The following HEATR5B variants were observed in gnomAD, a reference collection of about 807,000 sequenced individuals.
The protein encoded by HEATR5B is HEAT repeat containing 5B.
Under a neutral mutation model 224.1 loss-of-function variants are expected in HEATR5B, and 156 were observed. The observed-to-expected ratio is 0.70, with a 90% CI of 0.61 to 0.80. The LOEUF (loss-of-function observed/expected upper bound fraction) is 0.80. HEATR5B is among the 30% of genes least tolerant of loss of function. The pLI is 0.00. For synonymous variants in HEATR5B, 1,027 were observed against 893.0 expected, an observed-to-expected ratio of 1.15 and a Z score of -2.68; for missense variants, 2,323 against 2,535.5, an observed-to-expected ratio of 0.92 and a Z score of 1.80.
intron 4 of HEATR5B, among the ~76,000 whole-genome samples, chr2:37,076,320 A>G (rs1329994390): frequency 6.6e-6 from 1 of 152,212 alleles, no homozygotes; most frequent in Non-Finnish European, 1.5e-5. Context: ...ATTCTAATCC[A>G]ATGACTGGTA....
In HEATR5B at chr2:37,068,906, A is replaced by T. The variant is rs368260794; in HGVS notation, c.952T>A (p.Leu318Met). The T allele has an allele frequency of 3.7e-6, 6 of 1,613,750 alleles. No homozygotes were observed. The Admixed American group carries it at 1.0e-4, about 27-fold the overall frequency. ...CTGCGCTCCAACCACTGACCACCCA[A>T]TGTTGTCACAAAAACAACATACGCC... is the stretch of plus-strand genomic sequence containing the variant. The part of the protein sequence containing the change: ...TQAYVVFVTT[L>M]GGQWLERSFA... Residue 318 changes from leucine to methionine, a missense_variant, in exon 8 of 36, where the codon TTG (leucine) becomes ATG (methionine). Physicochemically the swap from Leu to Met is conservative, Grantham distance 15. Transcript: ENST00000233099.
intron 26 of HEATR5B, among the ~76,000 whole-genome samples, chr2:37,017,687 CAAAAA>C (rs1056240189): frequency 8.3e-4 from 51 of 61,698 alleles, no homozygotes; most frequent in African/African-American, 3.5e-3. Flanking sequence ...AATTCCGTCT[CAAAAA>C]AAAAAAAAAA....
In HEATR5B at chr2:37,026,313, G is replaced by A. The variant is rs76497896; in HGVS notation, c.3853+1610C>T. Among the ~76,000 whole-genome samples the A allele has an allele frequency of 4.3e-3, 655 of 152,272 alleles. 5 individuals are homozygous for A. The highest frequency in any genetic ancestry group is 0.015 in the African/African-American group (612 of 41,548). The stretch of plus-strand genomic sequence containing the variant: ...GCTGATGCCTTGATGTTAGCCCAGC[G>A]AGACTCTTGTTGGACTTCTGACCTA... On this transcript the variant is annotated intron_variant, in intron 24 of 35. Coordinates refer to ENST00000233099, the MANE Select transcript of HEATR5B (RefSeq NM_019024.3).
At chr2:37,068,378 C>T (rs957298775) in intron 8 of HEATR5B, among the ~76,000 whole-genome samples, 3 of 152,056 alleles carry the variant, frequency 2.0e-5, no homozygotes, top group Non-Finnish European at 4.4e-5. Flanking sequence ...AGAAAGAGGA[C>T]AATAGATTAC....
intron 29 of HEATR5B, among the ~76,000 whole-genome samples, chr2:37,006,407 C>T (rs995864304): frequency 2.6e-5 from 4 of 152,158 alleles, no homozygotes; most frequent in Admixed American, 6.5e-5. Flanking sequence ...AGCACCCAGC[C>T]GAGGTGGGTG....
At chr2:37,025,334 T>C (rs944539457) in intron 24 of HEATR5B, among the ~76,000 whole-genome samples, 3 of 148,712 alleles carry the variant, frequency 2.0e-5, no homozygotes, top group African/African-American at 7.5e-5. Flanking sequence ...ATACGGAGAG[T>C]ACTCTTCTCT....
intron 33 of HEATR5B, among the ~76,000 whole-genome samples, chr2:36,996,822 C>T (rs956699805): frequency 6.6e-6 from 1 of 152,062 alleles, no homozygotes; most frequent in African/African-American, 2.4e-5. Context: ...GAACTCCTGA[C>T]CTCAGGTGAT....
At chr2:37,031,496 C>T (rs1472815054) in intron 22 of HEATR5B, among the ~76,000 whole-genome samples, 3 of 146,624 alleles carry the variant, frequency 2.0e-5, no homozygotes, top group Admixed American at 1.4e-4. Flanking sequence ...GACTTGAACT[C>T]CTGGGCTCAA....
intron 22 of HEATR5B, 134 bp from the exon 23 acceptor site, chr2:37,029,054 T>C (rs1668956212): frequency 1.3e-6 from 1 of 750,956 alleles, no homozygotes; most frequent in Non-Finnish European, 2.1e-6. Flanking sequence ...ACAATTTAAC[T>C]ATGGCCTCTA....
chr2:37,074,370 T>A (rs570275694), intron 5 of HEATR5B, among the ~76,000 whole-genome samples: 142 of 149,376 alleles, frequency 9.5e-4, no homozygotes, highest in African/African-American at 3.5e-3. Flanking sequence ...ATATCCATAT[T>A]GAAAAAAAAA....
intron 20 of HEATR5B, among the ~76,000 whole-genome samples, chr2:37,039,895 T>A (rs1221520503): frequency 6.6e-6 from 1 of 152,214 alleles, no homozygotes; most frequent in Admixed American, 6.5e-5. Flanking sequence ...TTAGCTAATA[T>A]CTTTTTCCTC....
Position 37,028,115 on chromosome 2 carries a change from C to CGA in HEATR5B, c.3660_3661insTC (p.Glu1221SerfsTer12). Reference sequence around the variant, plus strand: ...GTAAACATGGTATCATCATCCATCTCATCTTTCTTTTCAGCTTCTTCATCT... The same window carrying CGA: ...GTAAACATGGTATCATCATCCATCTCGAATCTTTCTTTTCAGCTTCTTCATCT... On this transcript the variant is annotated frameshift_variant, in exon 24 of 36. Coordinates refer to ENST00000233099, the MANE Select transcript of HEATR5B (RefSeq NM_019024.3). LOFTEE classifies it high-confidence loss of function. 1 of 1,612,080 alleles carries CGA rather than the reference C, an allele frequency of 6.2e-7. No individual in the cohort carries two copies. The highest frequency in any genetic ancestry group is 8.5e-7 in the Non-Finnish European group (1 of 1,178,138).
At chr2:37,059,893 C>T (rs1478888691) in intron 12 of HEATR5B, among the ~76,000 whole-genome samples, 1 of 152,100 alleles carries the variant, frequency 6.6e-6, no homozygotes, top group Non-Finnish European at 1.5e-5. Context: ...TAAAACACCT[C>T]CTAGATGTGT....
intron 18 of HEATR5B, 129 bp downstream of exon 18, chr2:37,049,521 GATC>G (rs1051589344): frequency 6.7e-6 from 5 of 747,082 alleles, no homozygotes; most frequent in East Asian, 2.9e-5. Flanking sequence ...TAAAAATTGA[GATC>G]ATTACAAAAA....
At chr2:37,056,983 A>G (rs1222919395) in intron 15 of HEATR5B, among the ~76,000 whole-genome samples, 2 of 152,196 alleles carry the variant, frequency 1.3e-5, no homozygotes, top group Non-Finnish European at 2.9e-5. Flanking sequence ...TCTTCAACCT[A>G]CTAACTCATT....
chr2:37,069,768 G>A (rs889378172), intron 7 of HEATR5B, among the ~76,000 whole-genome samples: 6 of 152,088 alleles, frequency 3.9e-5, no homozygotes, highest in Middle Eastern at 3.4e-3. Context: ...ATGTAATTTG[G>A]AATTTGAATG....
At chr2:37,060,262 AT>A (rs1671198367) in intron 12 of HEATR5B, among the ~76,000 whole-genome samples, 1 of 152,078 alleles carries the variant, frequency 6.6e-6, no homozygotes, top group South Asian at 2.1e-4. Context: ...GCTGTTGGGT[AT>A]TTTTTCTTTT....
At chr2:36,988,057 G>C (rs917838696) in intron 35 of HEATR5B, among the ~76,000 whole-genome samples, 8 of 151,178 alleles carry the variant, frequency 5.3e-5, no homozygotes, top group African/African-American at 1.9e-4. Flanking sequence ...GGGTGACAGA[G>C]CGAGACTGTC....
intron 33 of HEATR5B, among the ~76,000 whole-genome samples, chr2:36,993,318 C>T (rs1247357888): frequency 6.6e-6 from 1 of 152,012 alleles, no homozygotes; most frequent in Non-Finnish European, 1.5e-5. Context: ...TGGGGGATCA[C>T]CTCAGGTCAG....
Sources: allele counts gnomAD v4.1 joint callset (sites outside exome capture counted in the v4.1 genomes callset), GRCh38; gene constraint gnomAD v4.1.1; transcripts MANE v1.5; gene names NCBI Gene and HGNC (gene_info 2026-07-23, HGNC 2026-07-21).